AKR1E2: variants seen among roughly 807,000 people sequenced by gnomAD.
AKR1E2 encodes aldo-keto reductase family 1 member E2, also known as 1,5-anhydro-D-fructose reductase.
Under a neutral mutation model 41.9 loss-of-function variants are expected in AKR1E2, and 43 were observed. The ratio of observed to expected loss-of-function variants is 1.03; its 90% CI spans 0.80 to 1.32. The LOEUF is 1.32. Ranked by LOEUF, AKR1E2 falls within the 40% of genes most tolerant of loss-of-function variation. The pLI, the probability that AKR1E2 is intolerant of heterozygous loss-of-function variation, is 0.00. For missense variants in AKR1E2, 423 were observed against 396.5 expected (o/e 1.07, Z -0.57); for synonymous variants, 121 against 138.9 (o/e 0.87, Z 0.91).
In AKR1E2 at chr10:4,847,577, C is replaced by G; in HGVS notation, c.*47C>G. 1.3e-6 allele frequency: 2 copies of G among 1,598,396 alleles called. No individual in the cohort carries two copies. The highest frequency in any genetic ancestry group is 1.7e-6 in the Non-Finnish European group (2 of 1,168,344). ...TCTGCTCAGCCCAGATGCACAGACA[C>G]TATTGGCAATGTTGACCCTCCTCTG... On this transcript the variant is annotated 3_prime_UTR_variant, in exon 10 of 10. Transcript: ENST00000298375.
chr10:4,849,791 C>G (rs777030490), downstream of AKR1E2, among the ~76,000 whole-genome samples: 1 of 152,208 alleles, frequency 6.6e-6, no homozygotes, highest in African/African-American at 2.4e-5. Context: ...CATGGATTTA[C>G]TTCCAGCCGG....
chr10:4,845,255 C>T (rs1834239352), intron 8 of AKR1E2, among the ~76,000 whole-genome samples: 1 of 152,240 alleles, frequency 6.6e-6, no homozygotes, highest in Non-Finnish European at 1.5e-5. Flanking sequence ...TCGTGCTGGC[C>T]TGCAAGCACC....
chr10:4,844,476 C>G (rs1308296655), intron 8 of AKR1E2, among the ~76,000 whole-genome samples: 1 of 152,202 alleles, frequency 6.6e-6, no homozygotes. Context: ...CTTGGGCAGC[C>G]TGCTTTTATT....
intron 2 of AKR1E2, among the ~76,000 whole-genome samples, chr10:4,832,811 A>G (rs1250373710): frequency 2.6e-5 from 4 of 152,086 alleles, no homozygotes; most frequent in South Asian, 4.1e-4. Context: ...CTTATGTCAC[A>G]GTCAATAAAA....
intron 7 of AKR1E2, 57 bp from the exon 8 acceptor site, chr10:4,842,364 A>T: frequency 1.3e-6 from 2 of 1,495,574 alleles, no homozygotes; most frequent in Non-Finnish European, 1.9e-6. Flanking sequence ...TTAGAAAATA[A>T]CTTAGACTAC....
At chr10:4,835,636 T>TGTTTC (rs768949284) in intron 3 of AKR1E2, 39 bp from the exon 4 acceptor site, 2 of 1,604,104 alleles carry the variant, frequency 1.2e-6, no homozygotes, top group Admixed American at 3.4e-5. Flanking sequence ...TGTTTTGTTT[T>TGTTTC]GTTTTGTTTT....
chr10:4,846,473 G>A (rs1281138701), intron 8 of AKR1E2, among the ~76,000 whole-genome samples: 1 of 152,126 alleles, frequency 6.6e-6, no homozygotes, highest in Non-Finnish European at 1.5e-5. Context: ...GTCCCTAGTT[G>A]GCAGGTGTAT....
intron 6 of AKR1E2, among the ~76,000 whole-genome samples, chr10:4,840,398 G>T (rs1233148572): frequency 6.6e-6 from 1 of 152,228 alleles, no homozygotes; most frequent in Non-Finnish European, 1.5e-5. Flanking sequence ...CACTGCCTTA[G>T]TTAAGTAGCA....
the AKR1E2 span, among the ~76,000 whole-genome samples, chr10:4,864,264 G>A: frequency 1.3e-5 from 2 of 152,094 alleles, no homozygotes; most frequent in Non-Finnish European, 2.9e-5. Flanking sequence ...TATCCACCAT[G>A]ATCAAGTGGG....
At position 4,847,137 on chromosome 10, in the gene AKR1E2, T is replaced by G. The variant is rs752126529; in HGVS notation, c.838-11T>G. ...ACTAAGTTTTCTACAAACATTGTGT[T>G]TTGGTTCCAGGTGTTTGATTTTGAA... On this transcript the variant is annotated splice_polypyrimidine_tract_variant and intron_variant, in intron 8 of 9. Coordinates refer to ENST00000298375, the MANE Select transcript of AKR1E2 (RefSeq NM_001040177.3). The G allele has an allele frequency of 1.2e-6, 2 of 1,613,258 alleles. No individual in the cohort carries two copies. Among genetic ancestry groups the G allele is most frequent in the Non-Finnish European group, 1.7e-6 (2 of 1,179,836 alleles).
intron 1 of AKR1E2, among the ~76,000 whole-genome samples, chr10:4,828,670 A>G (rs1469440089): frequency 6.6e-6 from 1 of 152,200 alleles, no homozygotes; most frequent in African/African-American, 2.4e-5. Context: ...CACCTTTGTA[A>G]TGTTAAATCT....
rs1833542528 is a variant in AKR1E2 at position 4,837,691 on chromosome 10, C to T, written c.582+110C>T. 7.5e-6 allele frequency: 11 copies of T among 1,471,148 alleles called. No homozygotes were observed. The East Asian group carries it at 2.1e-4, about 28-fold the overall frequency. The allele number at this position is 1,471,148 out of a possible 1,614,324, so 91.1% of individuals were successfully genotyped here. A position where few individuals can be genotyped will look rare whatever the true frequency, so the allele number is the denominator to read the frequency against. On this transcript the variant is annotated intron_variant, in intron 5 of 9. Coordinates refer to ENST00000298375, the MANE Select transcript of AKR1E2 (RefSeq NM_001040177.3). Reference sequence around the variant, plus strand: ...AGAATGGGTGAAGCACAAAACAGGCCTGTTCTCCTCTGGCAGCACTCAGAA... The same window carrying T: ...AGAATGGGTGAAGCACAAAACAGGCTTGTTCTCCTCTGGCAGCACTCAGAA...
chr10:4,829,329 C>A (rs952651827), intron 1 of AKR1E2, among the ~76,000 whole-genome samples: 1 of 152,204 alleles, frequency 6.6e-6, no homozygotes, highest in African/African-American at 2.4e-5. Flanking sequence ...ATCTGAGATA[C>A]ACTCAACATG....
the AKR1E2 span, among the ~76,000 whole-genome samples, chr10:4,853,294 A>G: frequency 1.3e-5 from 2 of 152,192 alleles, no homozygotes; most frequent in Non-Finnish European, 2.9e-5. Context: ...AAACTTCATG[A>G]AAAAACCCCA....
the AKR1E2 span, among the ~76,000 whole-genome samples, chr10:4,870,347 T>TGCC: frequency 6.6e-6 from 1 of 152,094 alleles, no homozygotes; most frequent in African/African-American, 2.4e-5. Context: ...GCAAGAACAA[T>TGCC]CTACTGCGTT....
chr10:4,839,618 G>C (rs1031529027), intron 5 of AKR1E2, 111 bp from the exon 6 acceptor site: 1 of 922,498 alleles, frequency 1.1e-6, no homozygotes, highest in African/African-American at 1.6e-5. Flanking sequence ...CCTGGAGCTG[G>C]GCCCCATGGC....
chr10:4,837,625 T>C, intron 5 of AKR1E2, 44 bp downstream of exon 5: 1 of 1,587,782 alleles, frequency 6.3e-7, no homozygotes, highest in Non-Finnish European at 8.6e-7. Flanking sequence ...GTGTGGCTGG[T>C]CCCCCAGCTG....
intron 8 of AKR1E2, among the ~76,000 whole-genome samples, chr10:4,845,042 A>G (rs988683048): frequency 6.6e-6 from 1 of 152,180 alleles, no homozygotes; most frequent in Non-Finnish European, 1.5e-5. Context: ...GGCGGGCTGC[A>G]GGTCCCGAGC....
chr10:4,866,813 G>A, the AKR1E2 span, among the ~76,000 whole-genome samples: 2 of 151,936 alleles, frequency 1.3e-5, no homozygotes, highest in Non-Finnish European at 2.9e-5. Context: ...AAATCACAGG[G>A]AGTCAAAGCT....
Sources: gnomAD v4.1 joint callset for allele counts (sites outside exome capture counted in the v4.1 genomes callset) on GRCh38, gnomAD v4.1.1 for gene constraint, MANE v1.5 for transcripts, NCBI Gene and HGNC (gene_info 2026-07-23, HGNC 2026-07-21) for gene names.